SPTY2D1: variants seen among roughly 807,000 people sequenced by gnomAD.
SPTY2D1 encodes the protein SPT2 chromatin protein domain containing 1, also known as protein SPT2 homolog.
A neutral mutation model predicts 64.0 loss-of-function variants in SPTY2D1; 21 were observed. That is an observed-to-expected ratio of 0.33 (90% CI 0.23 to 0.47). The LOEUF (loss-of-function observed/expected upper bound fraction) is 0.47, where lower values mean the gene tolerates loss of function less well. Among genes scored for constraint, SPTY2D1 ranks in the 20% least tolerant of loss-of-function variants. The pLI, the probability that SPTY2D1 is intolerant of heterozygous loss-of-function variation, is 1.00. For synonymous variants in SPTY2D1, 287 were observed against 286.8 expected, an observed-to-expected ratio of 1.00 and a Z score of -0.01; for missense variants, 724 against 837.2, an observed-to-expected ratio of 0.86 and a Z score of 1.67.
Position 18,609,077 on chromosome 11 carries a change from C to T in SPTY2D1, c.*784G>A, listed in dbSNP as rs114351563. 4.7e-3 allele frequency: 710 copies of T among 152,116 alleles called. 8 individuals are homozygous for T. Among genetic ancestry groups the T allele is most frequent in the African/African-American group, 0.016 (670 of 41,478 alleles). The allele number at this position is 152,116 out of a possible 1,614,324, so 9.4% of individuals were successfully genotyped here. ...ATGTTTGAATAAAATATTTTTTCTT[C>T]GATATAAAAATGAATTTTTTTAGAT... On this transcript the variant is annotated 3_prime_UTR_variant, in exon 6 of 6. Coordinates refer to ENST00000336349, the MANE Select transcript of SPTY2D1 (RefSeq NM_194285.3).
intron 5 of SPTY2D1, among the ~76,000 whole-genome samples, chr11:18,610,628 C>T (rs976786040): frequency 2.0e-5 from 3 of 147,532 alleles, no homozygotes; most frequent in Middle Eastern, 3.2e-3. Flanking sequence ...ACCATGCCAC[C>T]GCACTCCAGC....
chr11:18,612,661 C>G lies in SPTY2D1; in HGVS notation c.1712-173G>C, dbSNP rs534882854. Among the ~76,000 whole-genome samples, 2 of 152,094 alleles carry G rather than the reference C, an allele frequency of 1.3e-5. No individual in the cohort carries two copies. The highest frequency in any genetic ancestry group is 1.9e-4 in the East Asian group (1 of 5,188). On this transcript the variant is annotated intron_variant, in intron 3 of 5. Transcript: ENST00000336349. This position sits in a 1 kb window ranked among gnomAD's most constrained non-coding sequence, Gnocchi z 4.6. Reference sequence around the variant, plus strand: ...GCTGTGTCATGGTATCCAGAAGGAACAGAACTCCTGTTTTATCCCAGGGCT... The same window carrying G: ...GCTGTGTCATGGTATCCAGAAGGAAGAGAACTCCTGTTTTATCCCAGGGCT...
Position 18,612,075 on chromosome 11 carries a change from G to GA in SPTY2D1, c.1886+238dup. The GA allele has an allele frequency of 3.1e-6, 1 of 327,494 alleles. No homozygotes were observed. The highest frequency in any genetic ancestry group is 5.4e-6 in the Non-Finnish European group (1 of 184,242). 20.3% of individuals were successfully genotyped at this position (327,494 alleles called of 1,614,324 possible). On this transcript the variant is annotated intron_variant, in intron 4 of 5. Transcript: ENST00000336349. This position sits in a 1 kb window ranked among gnomAD's most constrained non-coding sequence, Gnocchi z 4.6. ...ATCTCACTAAATATATATCTTATAAGAATAACAATTTAAAAGGGTTATTTT... is the reference window on the plus strand; with the variant it reads ...ATCTCACTAAATATATATCTTATAAGAAATAACAATTTAAAAGGGTTATTTT...
rs369096080 is a variant in SPTY2D1, at chr11:18,615,383, T to C, written c.891A>G (p.Gln297=). The part of the protein sequence containing the change: ...RIKAGSGNSS[Q]PSLREGHDKP... ...TGTCGTGGCCCTCACGAAGTGAGGG[T>C]TGGGAGCTATTGCCAGATCCTGCCT... The change falls in exon 3 of 6, where the codon CAA becomes CAG. Residue 297 remains glutamine (Q), a synonymous_variant. Transcript: ENST00000336349. The C allele has an allele frequency of 2.5e-6, 4 of 1,614,010 alleles. No homozygotes were observed. Among genetic ancestry groups the C allele is most frequent in the Non-Finnish European group, 3.4e-6 (4 of 1,180,004 alleles).
chr11:18,621,157 C>T (rs1287768185), intron 1 of SPTY2D1, among the ~76,000 whole-genome samples: 2 of 151,218 alleles, frequency 1.3e-5, no homozygotes, highest in Non-Finnish European at 1.5e-5. Context: ...ATTAGCCAGG[C>T]GTGGTGGTGG....
In SPTY2D1 at chr11:18,607,875, A is replaced by C. The variant is rs1854134874; in HGVS notation, c.*1986T>G. On this transcript the variant is annotated 3_prime_UTR_variant, in exon 6 of 6. Coordinates refer to ENST00000336349, the MANE Select transcript of SPTY2D1 (RefSeq NM_194285.3). ...TTCTAACATAATGGTGCCTTTCTGT[A>C]CAAAGAACTGTACCATATCATAAAT... 1 of 152,212 alleles carries C rather than the reference A, an allele frequency of 6.6e-6. No homozygotes were observed. Among genetic ancestry groups the C allele is most frequent in the Non-Finnish European group, 1.5e-5 (1 of 68,046 alleles). 9.4% of individuals were successfully genotyped at this position (152,212 alleles called of 1,614,324 possible). A position where few individuals can be genotyped will look rare whatever the true frequency, so the allele number is the denominator to read the frequency against.
At position 18,626,428 on chromosome 11, in the gene SPTY2D1, CAA is replaced by C. The variant is rs11307645; in HGVS notation, c.60+7768_60+7769del. ...GTCATTAAAAAACAAAACAAACAAA[CAA>C]AAAAAAAAAACAGAGTTACTGCCTA... On this transcript the variant is annotated intron_variant, in intron 1 of 5. Transcript: ENST00000336349. 4.0e-3 allele frequency among the ~76,000 whole-genome samples: 603 copies of C among 148,998 alleles called. 4 individuals carry two copies. Among genetic ancestry groups the C allele is most frequent in the African/African-American group, 0.012 (497 of 40,812 alleles).
In SPTY2D1 at chr11:18,609,235, T is replaced by G. The variant is rs1854154562; in HGVS notation, c.*626A>C. On this transcript the variant is annotated 3_prime_UTR_variant, in exon 6 of 6. Transcript: ENST00000336349. Reference sequence around the variant, plus strand: ...ACTTGAAAATTTTTTCATTAATTCCTAGCCACCTAAATTAATGAGTAAGAA... The same window carrying G: ...ACTTGAAAATTTTTTCATTAATTCCGAGCCACCTAAATTAATGAGTAAGAA... 6.6e-6 allele frequency: 1 copy of G among 152,606 alleles called. No individual in the cohort carries two copies. The highest frequency in any genetic ancestry group is 1.5e-5 in the Non-Finnish European group (1 of 68,140). The allele number at this position is 152,606 out of a possible 1,614,324, so 9.5% of individuals were successfully genotyped here. A position where few individuals can be genotyped will look rare whatever the true frequency, so the allele number is the denominator to read the frequency against.
rs750300783 is a variant in SPTY2D1, at chr11:18,612,418, ATCATCG to A, written c.1776_1781del (p.Asp594_Asp595del). 8.7e-6 allele frequency: 14 copies of A among 1,611,230 alleles called. No individual in the cohort carries two copies. The South Asian group carries it at 1.3e-4, about 15-fold the overall frequency. ...CTTCCATTTCAGAGTCGTATTCATC[ATCATCG>A]TCATCTTCCTCTTCATATTCTCGCT... On this transcript the variant is annotated inframe_deletion, in exon 4 of 6. Transcript: ENST00000336349. The surrounding 1 kb of genome is among the most constrained non-coding windows in gnomAD (Gnocchi z 4.6).
In SPTY2D1 at chr11:18,623,747, C is replaced by A. The variant is rs539641994; in HGVS notation, c.61-6758G>T. On this transcript the variant is annotated intron_variant, in intron 1 of 5. Transcript: ENST00000336349. ...CCCGAGAAATTTCAGACTTGTCAGG[C>A]CTCCATAATCAATTCCCTAAAATAA... Among the ~76,000 whole-genome samples the A allele has an allele frequency of 2.6e-3, 393 of 152,326 alleles. 2 individuals carry two copies. The highest frequency in any genetic ancestry group is 8.8e-3 in the African/African-American group (365 of 41,564).
intron 1 of SPTY2D1, among the ~76,000 whole-genome samples, chr11:18,625,554 A>T (rs1854481679): frequency 6.9e-6 from 1 of 144,254 alleles, no homozygotes; most frequent in African/African-American, 2.6e-5. Context: ...AACACATCTC[A>T]TTTTTTTTTT....
At chr11:18,628,587 T>C (rs1854535856) in intron 1 of SPTY2D1, among the ~76,000 whole-genome samples, 1 of 152,244 alleles carries the variant, frequency 6.6e-6, no homozygotes, top group South Asian at 2.1e-4. Context: ...GCATACATCC[T>C]GAAATACACA....
At chr11:18,614,210 C>T (rs1404886316) in intron 3 of SPTY2D1, among the ~76,000 whole-genome samples, 1 of 152,052 alleles carries the variant, frequency 6.6e-6, no homozygotes, top group African/African-American at 2.4e-5. Context: ...GATCTCTGAG[C>T]CCCGGAGTTA....
rs564644502 is a variant in SPTY2D1, at chr11:18,606,578, T to A, written c.*3283A>T. On this transcript the variant is annotated 3_prime_UTR_variant, in exon 6 of 6. Coordinates refer to ENST00000336349, the MANE Select transcript of SPTY2D1 (RefSeq NM_194285.3). Reference sequence around the variant, plus strand: ...TGTGTAAAAGACAGGATGGATTTAATTACTCCAAAGAAATCTCTATCTCAC... The same window carrying A: ...TGTGTAAAAGACAGGATGGATTTAAATACTCCAAAGAAATCTCTATCTCAC... 3 of 293,160 alleles carry A rather than the reference T, an allele frequency of 1.0e-5. No homozygotes were observed. The highest frequency in any genetic ancestry group is 2.0e-5 in the Non-Finnish European group (3 of 153,764). The allele number at this position is 293,160 out of a possible 1,614,324, so 18.2% of individuals were successfully genotyped here. A position where few individuals can be genotyped will look rare whatever the true frequency, so the allele number is the denominator to read the frequency against.
chr11:18,617,625 C>CA lies in SPTY2D1; in HGVS notation c.61-637dup, dbSNP rs71050616. Reference sequence around the variant, plus strand: ...CGGGCGACAAAGTAAGACTCCGTCTCAAAAAAAAAAAAAAAAAAAAAAAAA... The same window carrying CA: ...CGGGCGACAAAGTAAGACTCCGTCTCAAAAAAAAAAAAAAAAAAAAAAAAAA... On this transcript the variant is annotated intron_variant, in intron 1 of 5. Coordinates refer to ENST00000336349, the MANE Select transcript of SPTY2D1 (RefSeq NM_194285.3). 9.4e-3 allele frequency among the ~76,000 whole-genome samples: 621 copies of CA among 66,282 alleles called. 3 individuals carry two copies. The highest frequency in any genetic ancestry group is 0.015 in the African/African-American group (241 of 16,108). 43.5% of individuals were successfully genotyped at this position (66,282 alleles called of 152,430 possible).
At chr11:18,630,242 C>T (rs573877088) in intron 1 of SPTY2D1, among the ~76,000 whole-genome samples, 18 of 151,582 alleles carry the variant, frequency 1.2e-4, no homozygotes, top group African/African-American at 3.6e-4. Flanking sequence ...TTTGGGAGGC[C>T]GAGGCAGGTG....
chr11:18,634,291 C>G lies in SPTY2D1; in HGVS notation c.-34G>C. On this transcript the variant is annotated 5_prime_UTR_variant, in exon 1 of 6. Transcript: ENST00000336349. The stretch of plus-strand genomic sequence containing the variant: ...GAGGCGGGAGAGACTGGGCCAGGCA[C>G]TCGGAAAGGACTGACAGCGCACCTA... 1 of 1,612,370 alleles carries G rather than the reference C, an allele frequency of 6.2e-7. No homozygotes were observed. The highest frequency in any genetic ancestry group is 8.5e-7 in the Non-Finnish European group (1 of 1,178,712).
intron 1 of SPTY2D1, among the ~76,000 whole-genome samples, chr11:18,633,267 C>A (rs927859281): frequency 6.6e-6 from 1 of 152,190 alleles, no homozygotes; most frequent in Non-Finnish European, 1.5e-5. Context: ...CAGAGCACTT[C>A]GTCGGAGCTC....
At chr11:18,618,168 A>C (rs1854331539) in intron 1 of SPTY2D1, among the ~76,000 whole-genome samples, 1 of 152,196 alleles carries the variant, frequency 6.6e-6, no homozygotes, top group Non-Finnish European at 1.5e-5. Context: ...CTGAGGTTTT[A>C]CTTTGACCAC....
Sources: allele counts gnomAD v4.1 joint callset (sites outside exome capture counted in the v4.1 genomes callset), GRCh38; gene constraint gnomAD v4.1.1; non-coding constraint Gnocchi (gnomAD v3.1); transcripts MANE v1.5; gene names NCBI Gene and HGNC (gene_info 2026-07-23, HGNC 2026-07-21).